STAG1: variants seen among roughly 807,000 people sequenced by gnomAD.
The protein encoded by STAG1 is cohesin subunit SA-1.
Under a neutral mutation model 170.9 loss-of-function variants are expected in STAG1, and 26 were observed. The ratio of observed to expected loss-of-function variants is 0.15; its 90% CI spans 0.11 to 0.21. STAG1 has a LOEUF of 0.21. Among genes scored for constraint, STAG1 ranks in the 10% least tolerant of loss-of-function variants. The pLI is 1.00. For synonymous variants in STAG1, 514 were observed against 497.7 expected (o/e 1.03, Z -0.44); for missense variants, 964 against 1,509.5 (o/e 0.64, Z 5.99).
At chr3:136,478,397 A>G (rs1043271119) in intron 9 of STAG1, among the ~76,000 whole-genome samples, 2 of 152,182 alleles carry the variant, frequency 1.3e-5, no homozygotes, top group African/African-American at 4.8e-5. Flanking sequence ...AAACAAATAC[A>G]ATGTTAACAC....
rs1206080899 is a variant in STAG1, at chr3:136,341,506, G to T, written c.3492C>A (p.Asp1164Glu). 1 of 1,613,762 alleles carries T rather than the reference G, an allele frequency of 6.2e-7. No individual in the cohort carries two copies. The highest frequency in any genetic ancestry group is 8.5e-7 in the Non-Finnish European group (1 of 1,179,942). Residue 1164 changes from aspartate (D) to glutamate (E), a missense_variant, in exon 31 of 34, where the codon GAC becomes GAA. Physicochemically the swap from Asp to Glu is conservative, Grantham distance 45 (BLOSUM62 2). Around this residue, in one of 11 missense-constraint regions of STAG1, gnomAD observed 122 missense variants for 129.0 expected, o/e 0.95. Transcript: ENST00000383202. ...TTCCTGTTCTGTCCTTCCGATTTAA[G>T]TCTTCTAACTTCGGCTGGCCTAACC... ...ISWLGQPKLE[D>E]LNRKDRTGMN...
intron 20 of STAG1, among the ~76,000 whole-genome samples, chr3:136,418,645 ATT>A (rs201422799): frequency 2.0e-5 from 3 of 146,756 alleles, no homozygotes; most frequent in Non-Finnish European, 3.0e-5. Context: ...ATATAATAGT[ATT>A]TTTTTTTTTT....
chr3:136,716,332 G>A (rs1448969296), intron 1 of STAG1, among the ~76,000 whole-genome samples: 4 of 151,862 alleles, frequency 2.6e-5, no homozygotes, highest in Admixed American at 1.3e-4. Context: ...GCATGGTGGC[G>A]GGTGCCTGCA....
At chr3:136,697,999 C>T (rs532596515) in intron 1 of STAG1, among the ~76,000 whole-genome samples, 24 of 151,364 alleles carry the variant, frequency 1.6e-4, no homozygotes, top group South Asian at 8.4e-4. Context: ...ACTATATAGA[C>T]AGAGCAAGAT....
chr3:136,454,792 TC>T (rs1236371678), intron 13 of STAG1, among the ~76,000 whole-genome samples: 1 of 152,264 alleles, frequency 6.6e-6, no homozygotes, highest in African/African-American at 2.4e-5. Flanking sequence ...AACATTCATT[TC>T]AGACAGATCT....
intron 4 of STAG1, among the ~76,000 whole-genome samples, chr3:136,570,411 G>T (rs1937227041): frequency 6.6e-6 from 1 of 152,080 alleles, no homozygotes; most frequent in African/African-American, 2.4e-5. Context: ...TTCATTGTAT[G>T]AATATACCAC....
At chr3:136,527,287 TG>T (rs930437433) in intron 6 of STAG1, among the ~76,000 whole-genome samples, 3 of 152,212 alleles carry the variant, frequency 2.0e-5, no homozygotes, top group Non-Finnish European at 2.9e-5. Context: ...AGGCTTTGTT[TG>T]TTTCTTTTTA....
chr3:136,376,780 G>A (rs1312452573), intron 23 of STAG1, among the ~76,000 whole-genome samples: 3 of 151,846 alleles, frequency 2.0e-5, no homozygotes, highest in Non-Finnish European at 4.4e-5. Context: ...TCAATATTCT[G>A]GTGTAGAATT....
chr3:136,486,370 T>A (rs1321154337), intron 9 of STAG1, among the ~76,000 whole-genome samples: 1 of 152,252 alleles, frequency 6.6e-6, no homozygotes, highest in East Asian at 1.9e-4. Flanking sequence ...TACAGCTTTG[T>A]ATACTTTGTT....
chr3:136,379,310 G>C (rs1937805537), intron 22 of STAG1, among the ~76,000 whole-genome samples: 1 of 152,158 alleles, frequency 6.6e-6, no homozygotes, highest in South Asian at 2.1e-4. Context: ...GTCAAAAGTA[G>C]TCATGGAAGA....
In STAG1 at chr3:136,529,298, G is replaced by C. The variant is rs369487187; in HGVS notation, c.472-7881C>G. Reference sequence around the variant, plus strand: ...AAGAGATACAGACATTTAGATACAAGAGGCTAAGATCCAAAAAGGTCTTCT... The same window carrying C: ...AAGAGATACAGACATTTAGATACAACAGGCTAAGATCCAAAAAGGTCTTCT... On this transcript the variant is annotated intron_variant, in intron 6 of 33. Transcript: ENST00000383202. Among the ~76,000 whole-genome samples the C allele has an allele frequency of 4.5e-4, 68 of 152,232 alleles. 1 individual carries two copies. In the South Asian group the frequency reaches 0.011, roughly 26 times the overall value.
chr3:136,699,696 C>T (rs1342607905), intron 1 of STAG1, among the ~76,000 whole-genome samples: 1 of 151,918 alleles, frequency 6.6e-6, no homozygotes, highest in African/African-American at 2.4e-5. Context: ...TATGGTTATG[C>T]TCTCACTTCG....
At chr3:136,416,157 G>A (rs550702221) in intron 21 of STAG1, among the ~76,000 whole-genome samples, 2 of 152,050 alleles carry the variant, frequency 1.3e-5, no homozygotes, top group South Asian at 2.1e-4. Flanking sequence ...ACAGGTGCCC[G>A]CCACCGTGCC....
chr3:136,571,517 A>G lies in STAG1; in HGVS notation c.298-2656T>C, dbSNP rs7626979. ...CTGTAAGGTCAAGGCTGCAGTGAGC[A>G]AAGATCGCACCACTGCACACCAGTC... On this transcript the variant is annotated intron_variant, in intron 4 of 33. Coordinates refer to ENST00000383202, the MANE Select transcript of STAG1 (RefSeq NM_005862.3). 1.7e-3 allele frequency among the ~76,000 whole-genome samples: 256 copies of G among 151,940 alleles called. 1 individual carries two copies. The highest frequency in any genetic ancestry group is 5.7e-3 in the African/African-American group (236 of 41,440).
intron 22 of STAG1, among the ~76,000 whole-genome samples, chr3:136,396,144 C>T (rs527966792): frequency 4.6e-5 from 7 of 151,970 alleles, no homozygotes; most frequent in Non-Finnish European, 7.4e-5. Flanking sequence ...TCAGGTGATC[C>T]GCCCACCTTG....
chr3:136,533,811 CA>C (rs1305141795), intron 6 of STAG1, among the ~76,000 whole-genome samples: 10 of 152,100 alleles, frequency 6.6e-5, no homozygotes, highest in African/African-American at 1.9e-4. Flanking sequence ...CTGTCAAAAG[CA>C]ATATACAAAT....
chr3:136,492,288 A>T (rs1406372927), intron 9 of STAG1, among the ~76,000 whole-genome samples: 1 of 152,254 alleles, frequency 6.6e-6, no homozygotes, highest in Non-Finnish European at 1.5e-5. Context: ...ATACTAGTTT[A>T]TGCAAGGTCT....
At chr3:136,643,564 A>G (rs1373770700) in intron 1 of STAG1, among the ~76,000 whole-genome samples, 1 of 152,160 alleles carries the variant, frequency 6.6e-6, no homozygotes, top group East Asian at 1.9e-4. Context: ...GCTGGAGTGC[A>G]ACAGCGCAAT....
At chr3:136,589,804 G>A (rs528229320) in intron 4 of STAG1, among the ~76,000 whole-genome samples, 8 of 151,584 alleles carry the variant, frequency 5.3e-5, no homozygotes, top group East Asian at 3.9e-4. Flanking sequence ...GGTGGCACAC[G>A]TCAGTAATCC....
Sources: allele counts gnomAD v4.1 joint callset (sites outside exome capture counted in the v4.1 genomes callset), GRCh38; gene constraint gnomAD v4.1.1; regional missense constraint gnomAD v4.1.1; transcripts MANE v1.5; gene names NCBI Gene and HGNC (gene_info 2026-07-23, HGNC 2026-07-21).